The following SECISBP2 variants were observed in gnomAD, a reference collection of about 807,000 sequenced individuals.
The protein encoded by SECISBP2 is selenocysteine insertion sequence-binding protein 2.
SECISBP2 carries 96 observed loss-of-function variants against 98.2 expected under a neutral mutation model. The ratio of observed to expected loss-of-function variants is 0.98; its 90% confidence interval spans 0.83 to 1.16. The LOEUF is 1.16. Among genes scored for constraint, SECISBP2 ranks in the 50% most tolerant of loss-of-function variants. SECISBP2 has a pLI of 0.00. For synonymous variants in SECISBP2, 407 were observed against 370.2 expected (o/e 1.10, Z -1.14); for missense variants, 1,046 against 1,022.9 (o/e 1.02, Z -0.31).
chr9:89,357,374 C>CA, intron 14 of SECISBP2, 37 bp from the exon 15 acceptor site: 1 of 1,613,068 alleles, frequency 6.2e-7, no homozygotes, highest in Non-Finnish European at 8.5e-7. Context: ...CTCCATGTGA[C>CA]ATGTCTTCCT....
chr9:89,331,959 G>T (rs1251133031), intron 5 of SECISBP2, among the ~76,000 whole-genome samples: 4 of 152,288 alleles, frequency 2.6e-5, no homozygotes, highest in Admixed American at 6.5e-5. Context: ...GATGTGGGTG[G>T]TGTTTTCCTC....
At chr9:89,341,529 T>G (rs1000432209) in intron 10 of SECISBP2, 50 bp downstream of exon 10, 1 of 1,604,632 alleles carries the variant, frequency 6.2e-7, no homozygotes. Context: ...CTTTTTCAGC[T>G]AGATTATTAT....
chr9:89,331,929 A>G (rs1827819777), intron 5 of SECISBP2, among the ~76,000 whole-genome samples: 1 of 152,222 alleles, frequency 6.6e-6, no homozygotes, highest in Non-Finnish European at 1.5e-5. Context: ...AAGAAGTAGA[A>G]GGATACTAAT....
chr9:89,319,077 TTA>T, intron 1 of SECISBP2: 1 of 1,000,308 alleles, frequency 1.0e-6, no homozygotes, highest in South Asian at 4.2e-5. Context: ...AGTAAATCTC[TTA>T]CTACGTCACT....
intron 2 of SECISBP2, among the ~76,000 whole-genome samples, chr9:89,321,633 T>C (rs937996107): frequency 1.3e-5 from 2 of 152,116 alleles, no homozygotes; most frequent in African/African-American, 4.8e-5. Flanking sequence ...GCCACTGCAC[T>C]TCAGCCTGGG....
At position 89,341,239 on chromosome 9, in the gene SECISBP2, T is replaced by C. The variant is rs917315574; in HGVS notation, c.1303-108T>C. The C allele has an allele frequency of 6.3e-6, 7 of 1,110,114 alleles. No homozygotes were observed. The African/African-American group carries it at 1.1e-4, about 18-fold the overall frequency. The allele number at this position is 1,110,114 out of a possible 1,614,324, so 68.8% of individuals were successfully genotyped here. ...ATTACTTGAATTTTTAAAAATTCTT[T>C]TTTATAGTCTCAATCTTTTTCATTT... On this transcript the variant is annotated intron_variant, in intron 9 of 16. Transcript: ENST00000375807.
In SECISBP2 at chr9:89,325,439, T is replaced by C. The variant is rs1826523598; in HGVS notation, c.195T>C (p.Tyr65=). 2 of 1,613,888 alleles carry C rather than the reference T, an allele frequency of 1.2e-6. No homozygotes were observed. The highest frequency in any genetic ancestry group is 8.5e-7 in the Non-Finnish European group (1 of 1,179,920). ...ACTTTTTACTTAGGCAGAAAATATA[T>C]ACTGAAGACATGGCCTTTGGAGCTT... ...QEPPVTEQKI[Y]TEDMAFGAST... Residue 65 remains tyrosine, a synonymous_variant, in exon 3 of 17, where the codon TAT becomes TAC. Coordinates refer to ENST00000375807, the MANE Select transcript of SECISBP2 (RefSeq NM_024077.5).
chr9:89,362,661 C>T (rs1378344788), downstream of SECISBP2, among the ~76,000 whole-genome samples: 3 of 152,200 alleles, frequency 2.0e-5, no homozygotes, highest in African/African-American at 4.8e-5. Flanking sequence ...TGCTGAGAGG[C>T]AGGAGGGCTG....
At chr9:89,362,296 C>G, downstream of SECISBP2, 1 of 1,595,428 alleles carries the variant, frequency 6.3e-7, no homozygotes. Flanking sequence ...TTGGGCAAGA[C>G]AGTTCACAGT....
At chr9:89,335,011 G>A (rs1380778631) in intron 7 of SECISBP2, among the ~76,000 whole-genome samples, 1 of 152,120 alleles carries the variant, frequency 6.6e-6, no homozygotes, top group Non-Finnish European at 1.5e-5. Flanking sequence ...TCAGGAGATG[G>A]AGACCATCCT....
chr9:89,363,308 G>C (rs1051760438), downstream of SECISBP2: 12 of 1,416,482 alleles, frequency 8.5e-6, no homozygotes, highest in Admixed American at 1.2e-4. Context: ...AAACTGCTCC[G>C]GGGCTAAGAG....
Position 89,328,802 on chromosome 9 carries a change from AC to A in SECISBP2, c.720del (p.Lys241SerfsTer15). On this transcript the variant is annotated frameshift_variant, in exon 5 of 17. Transcript: ENST00000375807. LOFTEE classifies it high-confidence loss of function. ...ENNMSEIQKQ[P>X]KWGPVHSVST... ...ACAATATGTCAGAGATACAGAAGCA[AC>A]CCAAGTGGGGACCTGTCCACTCTGT... is the stretch of plus-strand genomic sequence containing the variant. 1.2e-6 allele frequency: 2 copies of A among 1,614,212 alleles called. No homozygotes were observed. The highest frequency in any genetic ancestry group is 1.1e-5 in the South Asian group (1 of 91,076).
intron 10 of SECISBP2, among the ~76,000 whole-genome samples, chr9:89,342,988 T>G (rs1564399760): frequency 6.6e-6 from 1 of 152,238 alleles, no homozygotes; most frequent in Non-Finnish European, 1.5e-5. Flanking sequence ...TTGATCTTAT[T>G]AAAAGATGAG....
rs187648942 is a variant in SECISBP2, at chr9:89,328,709, T to C, written c.624T>C (p.Asn208=). 3.7e-6 allele frequency: 6 copies of C among 1,614,198 alleles called. No homozygotes were observed. The Admixed American group carries it at 6.7e-5, about 18-fold the overall frequency. Residue 208 remains asparagine, a synonymous_variant, in exon 5 of 17, where the codon AAT becomes AAC. Transcript: ENST00000375807. The stretch of plus-strand genomic sequence containing the variant: ...GGAAATCCAGAATCATTGCAAAAAA[T>C]GTATCTACCTCCAAACCTGAGTTTG... The part of the protein sequence containing the change: ...TDRKSRIIAK[N]VSTSKPEFEF...
chr9:89,356,901 C>T (rs893762642), intron 14 of SECISBP2: 6 of 199,422 alleles, frequency 3.0e-5, no homozygotes, highest in African/African-American at 4.7e-5. Context: ...TTTCCAGGTG[C>T]ATCACCTGCA....
At chr9:89,328,980 G>A in intron 5 of SECISBP2, 94 bp downstream of exon 5, 3 of 1,027,690 alleles carry the variant, frequency 2.9e-6, no homozygotes, top group South Asian at 1.4e-5. Context: ...TGTGGGCTTT[G>A]ATGTCCATGG....
chr9:89,335,031 A>G (rs920652502), intron 7 of SECISBP2, among the ~76,000 whole-genome samples: 9 of 152,054 alleles, frequency 5.9e-5, no homozygotes, highest in Admixed American at 5.2e-4. Flanking sequence ...TGGCTAACAC[A>G]GTGAAACCCC....
intron 12 of SECISBP2, 81 bp from the exon 13 acceptor site, chr9:89,349,695 G>A (rs1312656464): frequency 5.5e-6 from 8 of 1,464,518 alleles, no homozygotes; most frequent in South Asian, 1.1e-5. Flanking sequence ...TGGTTGCATC[G>A]GTGAGACTGC....
intron 6 of SECISBP2, among the ~76,000 whole-genome samples, 200 bp downstream of exon 6, chr9:89,333,186 A>T (rs1435703689): frequency 6.6e-6 from 1 of 152,226 alleles, no homozygotes; most frequent in Non-Finnish European, 1.5e-5. Context: ...ATAAAATAAG[A>T]GACAAGAATT....
Sources: gnomAD v4.1 joint callset for allele counts (sites outside exome capture counted in the v4.1 genomes callset) on GRCh38, gnomAD v4.1.1 for gene constraint, MANE v1.5 for transcripts, NCBI Gene and HGNC (gene_info 2026-07-23, HGNC 2026-07-21) for gene names.